The following ROR2 variants were observed in gnomAD, a reference collection of about 807,000 sequenced individuals.
The protein encoded by ROR2 is tyrosine-protein kinase transmembrane receptor ROR2.
In ROR2, 33 loss-of-function variants were observed where a neutral mutation model predicts 74.9. That is an observed-to-expected ratio of 0.44 (90% CI 0.33 to 0.59). ROR2 has a LOEUF of 0.59. ROR2 is among the 20% of genes least tolerant of loss of function. The pLI is 0.02. For synonymous variants in ROR2, 586 were observed against 558.7 expected, an observed-to-expected ratio of 1.05 and a Z score of -0.69; for missense variants, 1,216 against 1,313.8, an observed-to-expected ratio of 0.93 and a Z score of 1.15.
chr9:91,796,044 T>C (rs527550476), intron 1 of ROR2, among the ~76,000 whole-genome samples: 2 of 152,222 alleles, frequency 1.3e-5, no homozygotes, highest in Admixed American at 1.3e-4. Context: ...AGTTGGCGCC[T>C]GAAGAAAACC....
intron 1 of ROR2, among the ~76,000 whole-genome samples, chr9:91,785,139 C>T (rs1190615073): frequency 6.6e-6 from 1 of 152,128 alleles, no homozygotes; most frequent in African/African-American, 2.4e-5. Context: ...GGCCTCCACT[C>T]CTCATCTCTC....
chr9:91,925,645 T>C (rs10992161), intron 1 of ROR2, among the ~76,000 whole-genome samples: 27,531 of 152,158 alleles, frequency 0.18, 2,863 homozygotes, highest in Admixed American at 0.26. Context: ...CCTAAGTTTC[T>C]TGGATGGCAG....
chr9:91,739,807 C>T (rs1825156876), intron 4 of ROR2, among the ~76,000 whole-genome samples: 1 of 152,190 alleles, frequency 6.6e-6, no homozygotes, highest in Non-Finnish European at 1.5e-5. Context: ...CCTGCCTGCC[C>T]AGCTTTCACT....
intron 1 of ROR2, among the ~76,000 whole-genome samples, chr9:91,906,911 A>G (rs1462078066): frequency 6.6e-6 from 1 of 152,192 alleles, no homozygotes; most frequent in African/African-American, 2.4e-5. Flanking sequence ...ATACCATAAA[A>G]GTTGCCATCT....
At chr9:91,820,286 C>T (rs557474582) in intron 1 of ROR2, among the ~76,000 whole-genome samples, 75 of 152,144 alleles carry the variant, frequency 4.9e-4, no homozygotes, top group Non-Finnish European at 9.0e-4. Context: ...CCTCAAGACC[C>T]GAGCAAAGCC....
chr9:91,900,296 C>A, intron 1 of ROR2, among the ~76,000 whole-genome samples: 1 of 152,336 alleles, frequency 6.6e-6, no homozygotes, highest in Non-Finnish European at 1.5e-5. Flanking sequence ...CCGCAAGGGG[C>A]TGCAGGAAGG....
At chr9:91,949,440 G>A (rs763034049) in intron 1 of ROR2, among the ~76,000 whole-genome samples, 38 of 151,980 alleles carry the variant, frequency 2.5e-4, no homozygotes, top group Non-Finnish European at 4.0e-4. Flanking sequence ...GAGACAGACG[G>A]GGGACACTCG....
intron 1 of ROR2, chr9:91,948,947 A>G: frequency 1.0e-6 from 1 of 983,578 alleles, no homozygotes; most frequent in Non-Finnish European, 1.2e-6. Flanking sequence ...CCTCCAGGCA[A>G]CCTAGGCAGG....
At chr9:91,849,036 A>AGT (rs1829019071) in intron 1 of ROR2, among the ~76,000 whole-genome samples, 1 of 152,032 alleles carries the variant, frequency 6.6e-6, no homozygotes, top group African/African-American at 2.4e-5. Flanking sequence ...CACAGCGACC[A>AGT]CCCTCCATCA....
chr9:91,809,231 C>G (rs985096027), intron 1 of ROR2, among the ~76,000 whole-genome samples: 6 of 152,136 alleles, frequency 3.9e-5, no homozygotes, highest in African/African-American at 1.4e-4. Flanking sequence ...CCAATATTCC[C>G]TGGAAAAACC....
chr9:91,891,211 T>A (rs1428037443), intron 1 of ROR2, among the ~76,000 whole-genome samples: 2 of 152,114 alleles, frequency 1.3e-5, no homozygotes, highest in Admixed American at 6.5e-5. Flanking sequence ...TCCCACCTCT[T>A]ACACAGCTAA....
chr9:91,871,548 C>A (rs78254105), intron 1 of ROR2, among the ~76,000 whole-genome samples: 4 of 152,186 alleles, frequency 2.6e-5, no homozygotes, highest in Admixed American at 2.6e-4. Context: ...ACAACAATAT[C>A]TTCCATCTCA....
rs2118603846 is a variant in ROR2, at chr9:91,723,676, G to A, written c.2818C>T (p.Gln940Ter). ...DTLQVDEAQV[Q>*]LEA ...CCTGGTGCCACTCAAGCTTCCAGCT[G>A]GACTTGGGCCTCGTCCACCTGCAGA... Residue 940 changes from glutamine (Q) to a stop codon, truncating the protein, a stop_gained, in exon 9 of 9, where the codon CAG (glutamine) becomes TAG (stop). Transcript: ENST00000375708. LOFTEE classifies it high-confidence loss of function. The A allele has an allele frequency of 2.5e-6, 4 of 1,613,816 alleles. No individual in the cohort carries two copies. The Middle Eastern group carries it at 5.0e-4, about 200-fold the overall frequency.
Position 91,737,443 on chromosome 9 carries a change from G to A in ROR2, c.570C>T (p.Thr190=), listed in dbSNP as rs756072740. Residue 190 remains threonine (T), a synonymous_variant, in exon 5 of 9, where the codon ACC becomes ACT. Coordinates refer to ENST00000375708, the MANE Select transcript of ROR2 (RefSeq NM_004560.4). ...GCATCTGAAGCGAGTCCACATAAAT[G>A]GTCCGGTTGCCAATGAAGCGTGCAC... The part of the protein sequence containing the change: ...IACARFIGNR[T]IYVDSLQMQG... 2 of 1,614,138 alleles carry A rather than the reference G, an allele frequency of 1.2e-6. No homozygotes were observed. The highest frequency in any genetic ancestry group is 2.2e-5 in the South Asian group (2 of 91,076).
intron 1 of ROR2, among the ~76,000 whole-genome samples, chr9:91,892,590 C>CTTTTTTTTTTTTTTTTTTTTT (rs547073635): frequency 1.9e-5 from 2 of 105,466 alleles, no homozygotes; most frequent in Non-Finnish European, 3.7e-5. Context: ...CTTTTCTTTT[C>CTTTTTTTTTTTTTTTTTTTTT]TTTTTTTTTT....
At chr9:91,949,341 C>A (rs1832105190) in intron 1 of ROR2, among the ~76,000 whole-genome samples, 2 of 151,704 alleles carry the variant, frequency 1.3e-5, no homozygotes, top group Non-Finnish European at 2.9e-5. Context: ...GGCGCCCCCA[C>A]CCCCGCCGCA....
chr9:91,799,608 A>G (rs1827307518), intron 1 of ROR2, among the ~76,000 whole-genome samples: 1 of 152,180 alleles, frequency 6.6e-6, no homozygotes, highest in African/African-American at 2.4e-5. Flanking sequence ...ACCAGCCCTG[A>G]GCCAAGGCAG....
At chr9:91,939,305 C>G (rs1215926245) in intron 1 of ROR2, among the ~76,000 whole-genome samples, 1 of 152,214 alleles carries the variant, frequency 6.6e-6, no homozygotes, top group Non-Finnish European at 1.5e-5. Flanking sequence ...ATGGCCCTAC[C>G]TGTGGCCAGT....
chr9:91,929,830 T>A (rs1587854966), intron 1 of ROR2, among the ~76,000 whole-genome samples: 2 of 151,960 alleles, frequency 1.3e-5, no homozygotes, highest in South Asian at 4.2e-4. Flanking sequence ...GCTTCCTGGG[T>A]GCTAAGGCCA....
Sources: gnomAD v4.1 joint callset for allele counts (sites outside exome capture counted in the v4.1 genomes callset) on GRCh38, gnomAD v4.1.1 for gene constraint, MANE v1.5 for transcripts, NCBI Gene and HGNC (gene_info 2026-07-23, HGNC 2026-07-21) for gene names.